GRID2: variants seen among roughly 807,000 people sequenced by gnomAD.
The protein encoded by GRID2 is glutamate receptor ionotropic, delta-2.
A neutral mutation model predicts 114.8 loss-of-function variants in GRID2; 33 were observed. That is an observed-to-expected ratio of 0.29 (90% CI 0.22 to 0.38). GRID2 has a LOEUF of 0.38. Ranked by LOEUF, GRID2 falls within the 10% of genes least tolerant of loss-of-function variation. GRID2 has a pLI of 1.00. For synonymous variants in GRID2, 505 were observed against 449.9 expected (o/e 1.12, Z -1.55); for missense variants, 1,184 against 1,257.7 (o/e 0.94, Z 0.89).
chr4:93,141,108 A>T (rs561799361), intron 4 of GRID2, among the ~76,000 whole-genome samples: 1 of 152,276 alleles, frequency 6.6e-6, no homozygotes, highest in East Asian at 1.9e-4. Context: ...TTTGTTTTAT[A>T]TTCAGGTTAC....
intron 1 of GRID2, among the ~76,000 whole-genome samples, chr4:92,352,794 TTGTC>T (rs1185078731): frequency 6.8e-6 from 1 of 146,464 alleles, no homozygotes; most frequent in Non-Finnish European, 1.5e-5. Flanking sequence ...CAGGTGTTCT[TTGTC>T]TGTTCTGGAT....
chr4:92,896,918 T>A (rs1209570026), intron 2 of GRID2, among the ~76,000 whole-genome samples: 1 of 152,104 alleles, frequency 6.6e-6, no homozygotes, highest in Non-Finnish European at 1.5e-5. Context: ...AATTTTGTAT[T>A]TTTAGTAGAG....
At chr4:92,426,081 T>C (rs1732144346) in intron 1 of GRID2, among the ~76,000 whole-genome samples, 1 of 152,142 alleles carries the variant, frequency 6.6e-6, no homozygotes, top group Non-Finnish European at 1.5e-5. Flanking sequence ...ATGAATACTT[T>C]ATGATTCAAA....
At chr4:93,139,735 AAC>A (rs70942952) in intron 4 of GRID2, among the ~76,000 whole-genome samples, 7,953 of 147,514 alleles carry the variant, frequency 0.054, 260 homozygotes, top group African/African-American at 0.097. Flanking sequence ...GTACTTTTGA[AAC>A]ACACACACAC....
At chr4:93,619,360 C>T (rs1377673484) in intron 13 of GRID2, among the ~76,000 whole-genome samples, 2 of 152,146 alleles carry the variant, frequency 1.3e-5, no homozygotes, top group African/African-American at 4.8e-5. Context: ...AATATTAAAG[C>T]CATCCCATCT....
chr4:93,108,583 C>T (rs1051495379), intron 3 of GRID2, among the ~76,000 whole-genome samples: 2 of 150,962 alleles, frequency 1.3e-5, no homozygotes, highest in African/African-American at 2.4e-5. Context: ...GAACAACTTA[C>T]AATTTGAAAT....
chr4:92,693,806 A>G (rs944524286), intron 2 of GRID2, among the ~76,000 whole-genome samples: 2 of 152,256 alleles, frequency 1.3e-5, no homozygotes, highest in Non-Finnish European at 2.9e-5. Context: ...CTATGTTAAA[A>G]TACTCTGTTA....
At chr4:93,160,789 C>G (rs1023149431) in intron 4 of GRID2, among the ~76,000 whole-genome samples, 7 of 151,692 alleles carry the variant, frequency 4.6e-5, no homozygotes, top group African/African-American at 1.7e-4. Flanking sequence ...GATCATAAGC[C>G]AGTAGTATCA....
chr4:92,477,039 ATGTGTGTGTGTGTGTGTGTGTG>A (rs70940894), intron 1 of GRID2, among the ~76,000 whole-genome samples: 1,407 of 119,548 alleles, frequency 0.012, 10 homozygotes, highest in Non-Finnish European at 0.017. Context: ...ATTTAACTTC[ATGTGTGTGTGTGTGTGTGTGTG>A]TGTGTGTGTG....
intron 4 of GRID2, among the ~76,000 whole-genome samples, chr4:93,180,978 G>A (rs1209147982): frequency 6.6e-6 from 1 of 152,110 alleles, no homozygotes; most frequent in East Asian, 1.9e-4. Context: ...CATGAATCAT[G>A]AATATTCTTA....
At chr4:93,107,548 AT>A (rs1356228409) in intron 3 of GRID2, among the ~76,000 whole-genome samples, 1 of 151,828 alleles carries the variant, frequency 6.6e-6, no homozygotes, top group Non-Finnish European at 1.5e-5. Context: ...TATTAAAAAA[AT>A]TTTTTTTGAG....
At chr4:93,685,411 G>A (rs1416552350) in intron 14 of GRID2, among the ~76,000 whole-genome samples, 2 of 152,046 alleles carry the variant, frequency 1.3e-5, no homozygotes, top group African/African-American at 2.4e-5. Context: ...CTGGAACTGA[G>A]CCAGGTTCAT....
chr4:92,450,240 T>C (rs1279177289), intron 1 of GRID2, among the ~76,000 whole-genome samples: 2 of 152,066 alleles, frequency 1.3e-5, no homozygotes, highest in Non-Finnish European at 2.9e-5. Flanking sequence ...TGATGTATAA[T>C]AGGTGCAGAA....
chr4:92,453,818 T>G (rs2149081254), intron 1 of GRID2, among the ~76,000 whole-genome samples: 1 of 152,304 alleles, frequency 6.6e-6, no homozygotes, highest in East Asian at 1.9e-4. Context: ...TGTTTGAGAT[T>G]TTTTAAATAT....
At chr4:93,258,283 A>G (rs973503680) in intron 8 of GRID2, among the ~76,000 whole-genome samples, 3 of 151,634 alleles carry the variant, frequency 2.0e-5, no homozygotes, top group African/African-American at 7.3e-5. Context: ...ACTTGCAATA[A>G]GGAAAAAAAA....
At chr4:93,138,063 C>T (rs1735434750) in intron 4 of GRID2, among the ~76,000 whole-genome samples, 1 of 149,170 alleles carries the variant, frequency 6.7e-6, no homozygotes, top group African/African-American at 2.5e-5. Flanking sequence ...ACTTCCACCT[C>T]CCGTGCTCAA....
At chr4:92,928,360 T>C (rs1407482023) in intron 2 of GRID2, among the ~76,000 whole-genome samples, 1 of 151,680 alleles carries the variant, frequency 6.6e-6, no homozygotes. Context: ...TCATGATATT[T>C]AGAAGTAGAT....
At chr4:92,639,500 C>T (rs887214678) in intron 2 of GRID2, among the ~76,000 whole-genome samples, 3 of 151,766 alleles carry the variant, frequency 2.0e-5, no homozygotes, top group Non-Finnish European at 4.4e-5. Flanking sequence ...GATCTAGCTT[C>T]AAGTTCTGTT....
chr4:93,255,061 C>G (rs1413163659), intron 8 of GRID2, among the ~76,000 whole-genome samples: 1 of 152,076 alleles, frequency 6.6e-6, no homozygotes, highest in South Asian at 2.1e-4. Context: ...ATAGTCTCTT[C>G]CAGATATTTT....
Sources: gnomAD v4.1 joint callset for allele counts (sites outside exome capture counted in the v4.1 genomes callset) on GRCh38, gnomAD v4.1.1 for gene constraint, MANE v1.5 for transcripts, NCBI Gene and HGNC (gene_info 2026-07-23, HGNC 2026-07-21) for gene names.